The following ERI3 variants were observed in gnomAD, a reference collection of about 807,000 sequenced individuals.
The protein encoded by ERI3 is ERI1 exoribonuclease 3.
Under a neutral mutation model 44.4 loss-of-function variants are expected in ERI3, and 18 were observed. That is an observed-to-expected ratio of 0.41 (90% CI 0.28 to 0.60). The LOEUF (loss-of-function observed/expected upper bound fraction) is 0.60, where lower values mean the gene tolerates loss of function less well. Ranked by LOEUF, ERI3 falls within the 20% of genes least tolerant of loss-of-function variation. The probability of loss-of-function intolerance (pLI) is 0.36; values close to 1 mark genes in which losing one functional copy is unlikely to be tolerated. For synonymous variants in ERI3, 183 were observed against 164.8 expected (o/e 1.11, Z -0.84); for missense variants, 294 against 435.5 (o/e 0.68, Z 2.89).
intron 7 of ERI3, among the ~76,000 whole-genome samples, chr1:44,256,485 A>C (rs1227516419): frequency 6.6e-6 from 1 of 152,212 alleles, no homozygotes; most frequent in Non-Finnish European, 1.5e-5. Flanking sequence ...CCCTAACCCC[A>C]GATGGCAGTT....
intron 3 of ERI3, among the ~76,000 whole-genome samples, chr1:44,331,237 G>A (rs1646421281): frequency 6.6e-6 from 1 of 151,762 alleles, no homozygotes; most frequent in African/African-American, 2.4e-5. Context: ...TTATCTTTTT[G>A]AAGGGTCTAA....
rs1557867391 is a variant in ERI3, at chr1:44,342,815, ATATATATATATAT to A, written c.212-3506_212-3494del. ...GCATGTGCCACCACATCCAGCTAAT[ATATATATATATAT>A]ATATATATATATATATATATATATA... On this transcript the variant is annotated intron_variant, in intron 2 of 8. Coordinates refer to ENST00000372257, the MANE Select transcript of ERI3 (RefSeq NM_024066.3). Among the ~76,000 whole-genome samples, 58 of 9,062 alleles carry A rather than the reference ATATATATATATAT, an allele frequency of 6.4e-3. 1 individual carries two copies. The highest frequency in any genetic ancestry group is 0.017 in the African/African-American group (54 of 3,100). 5.9% of individuals were successfully genotyped at this position (9,062 alleles called of 152,430 possible).
chr1:44,302,140 G>C (rs1402181434), intron 6 of ERI3, among the ~76,000 whole-genome samples: 2 of 152,202 alleles, frequency 1.3e-5, no homozygotes, highest in South Asian at 2.1e-4. Flanking sequence ...CCTATCATCT[G>C]CACACGTTCA....
chr1:44,239,718 T>A (rs1020116000), intron 8 of ERI3, among the ~76,000 whole-genome samples: 2 of 152,002 alleles, frequency 1.3e-5, no homozygotes, highest in African/African-American at 4.8e-5. Context: ...TGCCACAGCG[T>A]TTAATAATAG....
chr1:44,264,707 G>T (rs1644957280), intron 7 of ERI3, among the ~76,000 whole-genome samples: 4 of 152,152 alleles, frequency 2.6e-5, no homozygotes. Flanking sequence ...GCAGCCACCA[G>T]TCAGCCTTCC....
At chr1:44,344,334 C>T (rs552470132) in intron 2 of ERI3, among the ~76,000 whole-genome samples, 1 of 152,028 alleles carries the variant, frequency 6.6e-6, no homozygotes, top group Non-Finnish European at 1.5e-5. Flanking sequence ...TTAAAAATAT[C>T]ACACAGACAG....
At chr1:44,278,233 T>C (rs1173195398) in intron 7 of ERI3, among the ~76,000 whole-genome samples, 1 of 152,062 alleles carries the variant, frequency 6.6e-6, no homozygotes, top group East Asian at 1.9e-4. Flanking sequence ...ATCCCAACAC[T>C]TTGGGAGGCC....
chr1:44,251,351 A>C (rs1246396437), intron 7 of ERI3, among the ~76,000 whole-genome samples: 1 of 152,194 alleles, frequency 6.6e-6, no homozygotes, highest in Non-Finnish European at 1.5e-5. Flanking sequence ...CACTTCCATT[A>C]CTTGCTCCCT....
chr1:44,296,184 T>A (rs187679184), intron 6 of ERI3, among the ~76,000 whole-genome samples: 2 of 152,170 alleles, frequency 1.3e-5, no homozygotes, highest in African/African-American at 4.8e-5. Flanking sequence ...GCCATTAGTG[T>A]GTGCCTCAGC....
chr1:44,259,689 G>GACAGACACACACAC (rs1553185528), intron 7 of ERI3, among the ~76,000 whole-genome samples: 23 of 140,384 alleles, frequency 1.6e-4, no homozygotes, highest in African/African-American at 6.4e-4. Context: ...AAAACACACA[G>GACAGACACACACAC]ACACACACAC....
At chr1:44,239,584 C>A (rs1173963129) in intron 8 of ERI3, among the ~76,000 whole-genome samples, 2 of 152,218 alleles carry the variant, frequency 1.3e-5, no homozygotes, top group Non-Finnish European at 1.5e-5. Flanking sequence ...GGCAGGGTTA[C>A]CCTGCCCTGG....
At chr1:44,312,016 G>T in intron 5 of ERI3, among the ~76,000 whole-genome samples, 1 of 152,118 alleles carries the variant, frequency 6.6e-6, no homozygotes, top group Non-Finnish European at 1.5e-5. Context: ...TCACAGCCTA[G>T]GTTCCCACAC....
intron 2 of ERI3, among the ~76,000 whole-genome samples, chr1:44,341,044 G>T (rs947405011): frequency 1.4e-4 from 22 of 152,196 alleles, no homozygotes; most frequent in African/African-American, 5.3e-4. Context: ...CCATAAAAAA[G>T]TGTAAAGACT....
At chr1:44,239,387 G>A (rs1486225075) in intron 8 of ERI3, among the ~76,000 whole-genome samples, 1 of 152,224 alleles carries the variant, frequency 6.6e-6, no homozygotes, top group Non-Finnish European at 1.5e-5. Context: ...ATCACTGTGT[G>A]ATGGGATATG....
In ERI3 at chr1:44,252,630, C is replaced by T. The variant is rs1572117200; in HGVS notation, c.832-4592G>A. ...GTCCCATCACAAACACGGCGCCCGG[C>T]GGCTTATGGGGGCTTAGCAGCTGCG... is the stretch of plus-strand genomic sequence containing the variant. On this transcript the variant is annotated intron_variant, in intron 7 of 8. Transcript: ENST00000372257. This position sits in a 1 kb window ranked among gnomAD's most constrained non-coding sequence, Gnocchi z 4.7. 6.6e-6 allele frequency among the ~76,000 whole-genome samples: 1 copy of T among 152,230 alleles called. No individual in the cohort carries two copies. Among genetic ancestry groups the T allele is most frequent in the Non-Finnish European group, 1.5e-5 (1 of 68,038 alleles).
chr1:44,249,180 C>G (rs1056868272), intron 7 of ERI3, among the ~76,000 whole-genome samples: 1 of 152,120 alleles, frequency 6.6e-6, no homozygotes, highest in Non-Finnish European at 1.5e-5. Context: ...TTTAGAAGTC[C>G]CCAAACACCA....
intron 8 of ERI3, among the ~76,000 whole-genome samples, chr1:44,247,400 C>T (rs962105143): frequency 2.0e-5 from 3 of 152,210 alleles, no homozygotes; most frequent in Non-Finnish European, 2.9e-5. Context: ...AGTGGACCCC[C>T]TCAACCCAGG....
chr1:44,239,739 T>G (rs1037701622), intron 8 of ERI3, among the ~76,000 whole-genome samples: 1 of 151,938 alleles, frequency 6.6e-6, no homozygotes, highest in Non-Finnish European at 1.5e-5. Flanking sequence ...TAACAGTGAG[T>G]GTAAGCGTTT....
At chr1:44,232,573 T>C (rs1644211179) in intron 8 of ERI3, among the ~76,000 whole-genome samples, 1 of 152,214 alleles carries the variant, frequency 6.6e-6, no homozygotes, top group Non-Finnish European at 1.5e-5. Context: ...TCTCGGCATG[T>C]GGTTTCCAAT....
Sources: allele counts gnomAD v4.1 joint callset (sites outside exome capture counted in the v4.1 genomes callset), GRCh38; gene constraint gnomAD v4.1.1; non-coding constraint Gnocchi (gnomAD v3.1); transcripts MANE v1.5; gene names NCBI Gene and HGNC (gene_info 2026-07-23, HGNC 2026-07-21).